The following CHRM5 variants were observed in gnomAD, a reference collection of about 807,000 sequenced individuals.
The protein encoded by CHRM5 is cholinergic receptor muscarinic 5.
A neutral mutation model predicts 39.0 loss-of-function variants in CHRM5; 18 were observed. That is an observed-to-expected ratio of 0.46 (90% CI 0.32 to 0.68). The LOEUF (loss-of-function observed/expected upper bound fraction) is 0.68. Ranked by LOEUF, CHRM5 falls within the 30% of genes least tolerant of loss-of-function variation. CHRM5 has a pLI of 0.04. For synonymous variants in CHRM5, 241 were observed against 246.3 expected (o/e 0.98, Z 0.20); for missense variants, 515 against 651.1 (o/e 0.79, Z 2.28).
intron 1 of CHRM5, among the ~76,000 whole-genome samples, chr15:34,032,192 A>T (rs527474397): frequency 6.6e-6 from 1 of 152,226 alleles, no homozygotes; most frequent in African/African-American, 2.4e-5. Context: ...AGAAATAGTG[A>T]CATCTGAATA....
chr15:33,991,267 TAA>T (rs1896710284), intron 1 of CHRM5: 1 of 152,158 alleles, frequency 6.6e-6, no homozygotes, highest in Non-Finnish European at 1.5e-5. Flanking sequence ...ACAGACCTTC[TAA>T]CACTTTTCAA....
At chr15:33,985,097 T>C (rs1896365644) in intron 1 of CHRM5, among the ~76,000 whole-genome samples, 1 of 152,170 alleles carries the variant, frequency 6.6e-6, no homozygotes, top group African/African-American at 2.4e-5. Context: ...TTTCCTCACA[T>C]CTATATCACC....
At chr15:33,990,840 A>G (rs1257785339) in intron 1 of CHRM5, 1 of 152,266 alleles carries the variant, frequency 6.6e-6, no homozygotes, top group Non-Finnish European at 1.5e-5. Flanking sequence ...ACCTCTGGAA[A>G]TAACAAAATT....
At chr15:34,032,585 T>C (rs1898906877) in intron 1 of CHRM5, among the ~76,000 whole-genome samples, 2 of 152,208 alleles carry the variant, frequency 1.3e-5, no homozygotes, top group South Asian at 4.1e-4. Context: ...AAAGGGGCTA[T>C]GATCTTAGCT....
At chr15:33,986,821 T>G (rs947527654) in intron 1 of CHRM5, among the ~76,000 whole-genome samples, 1 of 151,678 alleles carries the variant, frequency 6.6e-6, no homozygotes, top group African/African-American at 2.4e-5. Context: ...CATGCCCAGC[T>G]AATTGTTTTG....
At chr15:34,054,416 A>G (rs1258589332) in intron 2 of CHRM5, among the ~76,000 whole-genome samples, 1 of 152,206 alleles carries the variant, frequency 6.6e-6, no homozygotes, top group Non-Finnish European at 1.5e-5. Flanking sequence ...TAGCAAAGAC[A>G]TAGAATCAAT....
chr15:34,037,109 CAAAA>C (rs59011779), intron 1 of CHRM5, among the ~76,000 whole-genome samples: 1 of 137,692 alleles, frequency 7.3e-6, no homozygotes. Flanking sequence ...AACTCCGTCT[CAAAA>C]AAAAAAAAAA....
At chr15:34,044,090 A>G (rs1899591440) in intron 1 of CHRM5, among the ~76,000 whole-genome samples, 1 of 151,828 alleles carries the variant, frequency 6.6e-6, no homozygotes, top group Non-Finnish European at 1.5e-5. Flanking sequence ...GCCCTTTAAA[A>G]AAAATGAAAA....
At chr15:34,007,002 T>G in intron 1 of CHRM5, 2 of 914,670 alleles carry the variant, frequency 2.2e-6, no homozygotes, top group Non-Finnish European at 1.3e-6. Context: ...CATATAAATA[T>G]TGTTACAAAA....
intron 1 of CHRM5, among the ~76,000 whole-genome samples, chr15:33,985,498 C>A (rs1268175593): frequency 6.8e-6 from 1 of 146,876 alleles, no homozygotes; most frequent in Non-Finnish European, 1.5e-5. Context: ...TTACCTCATC[C>A]CTCAGGGTTG....
chr15:34,013,834 C>A (rs1160608566), intron 1 of CHRM5, among the ~76,000 whole-genome samples: 3 of 152,072 alleles, frequency 2.0e-5, no homozygotes, highest in Non-Finnish European at 4.4e-5. Context: ...AGAGTATGTA[C>A]GAGGACCCAT....
At chr15:33,971,051 T>A (rs1321207119) in intron 1 of CHRM5, among the ~76,000 whole-genome samples, 1 of 152,030 alleles carries the variant, frequency 6.6e-6, no homozygotes, top group East Asian at 1.9e-4. Context: ...TTTGGAATAA[T>A]CTGTATTTTC....
intron 1 of CHRM5, among the ~76,000 whole-genome samples, chr15:34,032,140 C>T (rs1330587118): frequency 6.6e-6 from 1 of 152,048 alleles, no homozygotes; most frequent in Non-Finnish European, 1.5e-5. Context: ...CTATGTGTCA[C>T]TATGGTCTTT....
chr15:34,016,827 C>T (rs2140691114), intron 1 of CHRM5, among the ~76,000 whole-genome samples: 1 of 152,226 alleles, frequency 6.6e-6, no homozygotes, highest in East Asian at 1.9e-4. Flanking sequence ...CTCAGGTTCA[C>T]CAAAATATCA....
intron 2 of CHRM5, among the ~76,000 whole-genome samples, chr15:34,055,220 C>A (rs540916660): frequency 6.6e-6 from 1 of 150,392 alleles, no homozygotes; most frequent in Admixed American, 6.6e-5. Flanking sequence ...TAAACAAGGC[C>A]AGGCCCGGTA....
At chr15:34,057,375 C>T (rs1267681343) in intron 2 of CHRM5, among the ~76,000 whole-genome samples, 4 of 151,328 alleles carry the variant, frequency 2.6e-5, no homozygotes, top group African/African-American at 7.3e-5. Context: ...ATCTCTTTAC[C>T]GCATGATCCA....
intron 1 of CHRM5, among the ~76,000 whole-genome samples, chr15:33,985,448 TAAG>T (rs766121806): frequency 2.3e-5 from 2 of 87,862 alleles, no homozygotes; most frequent in Non-Finnish European, 4.7e-5. Flanking sequence ...TCAGTAAGAG[TAAG>T]TTCCTTGAGT....
chr15:34,043,121 C>A (rs1251445771), intron 1 of CHRM5, among the ~76,000 whole-genome samples: 1 of 151,992 alleles, frequency 6.6e-6, no homozygotes, highest in African/African-American at 2.4e-5. Context: ...GTGACGGGCG[C>A]CTGTAGTCCC....
intron 2 of CHRM5, among the ~76,000 whole-genome samples, chr15:34,054,070 G>GA (rs899716941): frequency 1.0e-4 from 15 of 150,252 alleles, no homozygotes; most frequent in South Asian, 4.2e-4. Flanking sequence ...CAAAAAACGT[G>GA]AAAAAAAAAC....
Sources: gnomAD v4.1 joint callset for allele counts (sites outside exome capture counted in the v4.1 genomes callset) on GRCh38, gnomAD v4.1.1 for gene constraint, MANE v1.5 for transcripts, NCBI Gene and HGNC (gene_info 2026-07-23, HGNC 2026-07-21) for gene names.